The following RAVER1 variants were observed in gnomAD, a reference collection of about 807,000 sequenced individuals.
RAVER1 encodes ribonucleoprotein PTB-binding 1.
Under a neutral mutation model 68.4 loss-of-function variants are expected in RAVER1, and 36 were observed. That is an observed-to-expected ratio of 0.53 (90% CI 0.40 to 0.70). RAVER1 has a LOEUF of 0.70. RAVER1 is among the 30% of genes least tolerant of loss of function. The pLI, the probability that RAVER1 is intolerant of heterozygous loss-of-function variation, is 0.00. For missense variants in RAVER1, 933 were observed against 1,019.8 expected, an observed-to-expected ratio of 0.91 and a Z score of 1.16; for synonymous variants, 469 against 472.7, an observed-to-expected ratio of 0.99 and a Z score of 0.10.
intron 3 of RAVER1, among the ~76,000 whole-genome samples, chr19:10,327,919 T>C (rs2040486196): frequency 6.6e-6 from 1 of 152,180 alleles, no homozygotes; most frequent in East Asian, 1.9e-4. Flanking sequence ...GTGCCTGGCA[T>C]GTGTGGCTTG....
intron 3 of RAVER1, among the ~76,000 whole-genome samples, chr19:10,326,308 T>G (rs1293823965): frequency 6.6e-6 from 1 of 152,254 alleles, no homozygotes; most frequent in Admixed American, 6.5e-5. Flanking sequence ...CTAACTCATC[T>G]TCTGTCCTGA....
In RAVER1 at chr19:10,320,752, G is replaced by A; in HGVS notation, c.1673C>T (p.Ala558Val). Residue 558 changes from alanine to valine, a missense_variant, in exon 9 of 13, where the codon GCC (alanine) becomes GTC (valine). Physicochemically the swap from Ala to Val is moderately conservative, Grantham distance 64 (BLOSUM62 0). This residue lies in a region of RAVER1 where 699 missense variants were observed against 731.1 expected (regional missense o/e 0.96). Transcript: ENST00000617231. ...GAGCAGGCGGGACTTGAGCTGGAAG[G>A]CTTTGCTGCTGCTGCTGCCACCTCC... ...APGGGSSSSK[A>V]FQLKSRLLSP... The A allele has an allele frequency of 6.6e-7, 1 of 1,515,270 alleles. No individual in the cohort carries two copies. The highest frequency in any genetic ancestry group is 8.8e-7 in the Non-Finnish European group (1 of 1,141,240). The allele number at this position is 1,515,270 out of a possible 1,614,324, so 93.9% of individuals were successfully genotyped here. A position where few individuals can be genotyped will look rare whatever the true frequency, so the allele number is the denominator to read the frequency against.
In RAVER1 at chr19:10,322,723, G is replaced by C; in HGVS notation, c.1095C>G (p.Pro365=). ...GCCCATTGAGCAGCGGCATGGCTGG[G>C]GGGGCACCCAGGAGGCCTGGAGGGA... ...AGGKQGLLGA[P]PAMPLLNGPA... is the part of the protein sequence containing the mutation. Residue 365 remains proline, a synonymous_variant, in exon 6 of 13, where the codon CCC becomes CCG. Coordinates refer to ENST00000617231, the MANE Select transcript of RAVER1 (RefSeq NM_133452.3). The surrounding 1 kb of genome is among the most constrained non-coding windows in gnomAD (Gnocchi z 4.3). 1 of 1,513,820 alleles carries C rather than the reference G, an allele frequency of 6.6e-7. No individual in the cohort carries two copies. 93.8% of individuals were successfully genotyped at this position (1,513,820 alleles called of 1,614,324 possible).
chr19:10,320,666 C>T lies in RAVER1; in HGVS notation c.1759G>A (p.Asp587Asn), dbSNP rs368092939. 112 of 1,553,098 alleles carry T rather than the reference C, an allele frequency of 7.2e-5. No homozygotes were observed. Among genetic ancestry groups the T allele is most frequent in the Middle Eastern group, 3.4e-4 (2 of 5,932 alleles). ...AGCCAGGCACTCACCGAGGGGTAGTCGAAGCTGTAGCTGTCAGACAGTCCT... is the reference window on the plus strand; with the variant it reads ...AGCCAGGCACTCACCGAGGGGTAGTTGAAGCTGTAGCTGTCAGACAGTCCT... ...EPGLSDSYSFDYPSDMGPRRL... is the reference protein window; with the variant it reads ...EPGLSDSYSFNYPSDMGPRRL... The change falls in exon 9 of 13, where the codon GAC becomes AAC. Residue 587 changes from aspartate to asparagine, a missense_variant. Transcript: ENST00000617231.
Position 10,317,999 on chromosome 19 carries a change from G to A in RAVER1, c.1990-226C>T, listed in dbSNP as rs2040406069. Among the ~76,000 whole-genome samples the A allele has an allele frequency of 6.6e-6, 1 of 152,228 alleles. No individual in the cohort carries two copies. The highest frequency in any genetic ancestry group is 2.4e-5 in the African/African-American group (1 of 41,458). On this transcript the variant is annotated intron_variant, in intron 11 of 12. Coordinates refer to ENST00000617231, the MANE Select transcript of RAVER1 (RefSeq NM_133452.3). This position sits in a 1 kb window ranked among gnomAD's most constrained non-coding sequence, Gnocchi z 4.3. ...TGGGGCCAGTAGCACCCACAGCCTGGGCTGTAGAGAGAGGAAGTGACAGAA... is the reference window on the plus strand; with the variant it reads ...TGGGGCCAGTAGCACCCACAGCCTGAGCTGTAGAGAGAGGAAGTGACAGAA...
chr19:10,331,389 A>AC (rs2040516483), intron 1 of RAVER1, among the ~76,000 whole-genome samples: 1 of 92,114 alleles, frequency 1.1e-5, no homozygotes, highest in Non-Finnish European at 2.2e-5. Flanking sequence ...AAAAATAACA[A>AC]CAACAAAAAA....
Position 10,318,915 on chromosome 19 carries a change from C to T in RAVER1, c.1845+251G>A, listed in dbSNP as rs565611998. Among the ~76,000 whole-genome samples, 4 of 152,302 alleles carry T rather than the reference C, an allele frequency of 2.6e-5. No individual in the cohort carries two copies. The South Asian group carries it at 8.3e-4, about 32-fold the overall frequency. On this transcript the variant is annotated intron_variant, in intron 10 of 12. Coordinates refer to ENST00000617231, the MANE Select transcript of RAVER1 (RefSeq NM_133452.3). ...CAATGCCTGGCATGGTATGGTGGCT[C>T]ATGCCTGTGATCCTAGCACTTTGGG... is the stretch of plus-strand genomic sequence containing the variant.
At position 10,323,590 on chromosome 19, in the gene RAVER1, A is replaced by G. The variant is rs1199774394; in HGVS notation, c.757-24T>C. 1.3e-6 allele frequency: 2 copies of G among 1,562,996 alleles called. No individual in the cohort carries two copies. The highest frequency in any genetic ancestry group is 1.7e-6 in the Non-Finnish European group (2 of 1,156,492). On this transcript the variant is annotated intron_variant, in intron 3 of 12. Transcript: ENST00000617231. This position sits in a 1 kb window ranked among gnomAD's most constrained non-coding sequence, Gnocchi z 6.2. ...AGCTGCCGGAGGAAGGCAGGCAGTC[A>G]TGAGCATCTGGGCAGCAGTGACTGC...
intron 8 of RAVER1, 31 bp downstream of exon 8, chr19:10,321,017 G>C: frequency 6.8e-7 from 1 of 1,466,342 alleles, no homozygotes; most frequent in Non-Finnish European, 9.0e-7. Context: ...CAGGAGGCTG[G>C]TGTGGTGCCG....
chr19:10,322,448 G>A lies in RAVER1; in HGVS notation c.1173+197C>T, dbSNP rs905308077. ...CTCTCAGAATGGAGGGAAAGATGGC[G>A]AACCATCATGAGCAATTGCCAGAGG... is the stretch of plus-strand genomic sequence containing the variant. On this transcript the variant is annotated intron_variant, in intron 6 of 12. Coordinates refer to ENST00000617231, the MANE Select transcript of RAVER1 (RefSeq NM_133452.3). The surrounding 1 kb of genome is among the most constrained non-coding windows in gnomAD (Gnocchi z 4.3). 2.1e-5 allele frequency: 11 copies of A among 515,934 alleles called. No homozygotes were observed. Among genetic ancestry groups the A allele is most frequent in the Admixed American group, 8.7e-5 (2 of 23,118 alleles). 32.0% of individuals were successfully genotyped at this position (515,934 alleles called of 1,614,324 possible). A position where few individuals can be genotyped will look rare whatever the true frequency, so the allele number is the denominator to read the frequency against.
chr19:10,323,267 T>C lies in RAVER1; in HGVS notation c.956A>G (p.Asn319Ser), dbSNP rs772330099. ...CTCGGGGAGGAGTCCCTTCCCCCGA[T>C]TGAGGGCCTGCAGGAAGGAACAGAA... Reference protein sequence around the residue: ...ALIAAQATALNRGKGLLPEPN... With the variant: ...ALIAAQATALSRGKGLLPEPN... The change falls in exon 5 of 13, where the codon AAT becomes AGT. Residue 319 changes from asparagine to serine, a missense_variant. Around this residue, in one of 3 missense-constraint regions of RAVER1, gnomAD observed 699 missense variants for 731.1 expected, o/e 0.96. Coordinates refer to ENST00000617231, the MANE Select transcript of RAVER1 (RefSeq NM_133452.3). This position sits in a 1 kb window ranked among gnomAD's most constrained non-coding sequence, Gnocchi z 6.2. 26 of 1,613,168 alleles carry C rather than the reference T, an allele frequency of 1.6e-5. No individual in the cohort carries two copies. The highest frequency in any genetic ancestry group is 4.4e-5 in the South Asian group (4 of 91,068).
chr19:10,331,356 C>CAAAAAA (rs58419369), intron 1 of RAVER1, among the ~76,000 whole-genome samples: 16 of 29,148 alleles, frequency 5.5e-4, no homozygotes, highest in East Asian at 3.0e-3. Context: ...GACTCCGTCT[C>CAAAAAA]AAAAAAAAAA....
chr19:10,317,446 C>T lies in RAVER1; in HGVS notation c.*8G>A. 1.2e-6 allele frequency: 2 copies of T among 1,613,720 alleles called. No individual in the cohort carries two copies. Among genetic ancestry groups the T allele is most frequent in the Non-Finnish European group, 1.7e-6 (2 of 1,179,638 alleles). On this transcript the variant is annotated 3_prime_UTR_variant, in exon 13 of 13. Coordinates refer to ENST00000617231, the MANE Select transcript of RAVER1 (RefSeq NM_133452.3). The surrounding 1 kb of genome is among the most constrained non-coding windows in gnomAD (Gnocchi z 4.3). ...GCAGGCCCTTGAGTTATCTCTGGTG[C>T]CAGCCACTTAGAAAATCCTCTTCCG...
In RAVER1 at chr19:10,323,046, C is replaced by G; in HGVS notation, c.1078+99G>C. 1 of 1,042,924 alleles carries G rather than the reference C, an allele frequency of 9.6e-7. No individual in the cohort carries two copies. Among genetic ancestry groups the G allele is most frequent in the South Asian group, 1.7e-5 (1 of 58,338 alleles). The allele number at this position is 1,042,924 out of a possible 1,614,324, so 64.6% of individuals were successfully genotyped here. On this transcript the variant is annotated intron_variant, in intron 5 of 12. Coordinates refer to ENST00000617231, the MANE Select transcript of RAVER1 (RefSeq NM_133452.3). This position sits in a 1 kb window ranked among gnomAD's most constrained non-coding sequence, Gnocchi z 6.2. ...CCCCCTCGGCCCTACTCCTGGGGCT[C>G]CTGTCACTGCAGCCAAGATGAGCAG...
At chr19:10,326,210 G>A (rs772734717) in intron 3 of RAVER1, among the ~76,000 whole-genome samples, 7 of 152,126 alleles carry the variant, frequency 4.6e-5, no homozygotes, top group Non-Finnish European at 8.8e-5. Flanking sequence ...AGCCAAGATC[G>A]CGCCCCTGCA....
chr19:10,317,840 C>G lies in RAVER1; in HGVS notation c.1990-67G>C, dbSNP rs1020374035. 10 of 884,760 alleles carry G rather than the reference C, an allele frequency of 1.1e-5. No individual in the cohort carries two copies. In the Middle Eastern group the frequency reaches 1.3e-3, roughly 115 times the overall value. The allele number at this position is 884,760 out of a possible 1,614,324, so 54.8% of individuals were successfully genotyped here. ...CCAGAGGAAGCACCCACCCCGCCCC[C>G]CTGCCACTGCCCCCCAGCCCTGAGG... is the stretch of plus-strand genomic sequence containing the variant. On this transcript the variant is annotated intron_variant, in intron 11 of 12. Transcript: ENST00000617231. This position sits in a 1 kb window ranked among gnomAD's most constrained non-coding sequence, Gnocchi z 4.3.
rs2040490116 is a variant in RAVER1 at position 10,328,489 on chromosome 19, T to G, written c.756+153A>C. ...ATTGCTTGAACCAAAGAGGCGGAGG[T>G]TGCAGTGAACTGAGATTGTATCACT... On this transcript the variant is annotated intron_variant, in intron 3 of 12. Coordinates refer to ENST00000617231, the MANE Select transcript of RAVER1 (RefSeq NM_133452.3). This position sits in a 1 kb window ranked among gnomAD's most constrained non-coding sequence, Gnocchi z 4.4. 6.6e-6 allele frequency among the ~76,000 whole-genome samples: 1 copy of G among 151,624 alleles called. No individual in the cohort carries two copies. Among genetic ancestry groups the G allele is most frequent in the Non-Finnish European group, 1.5e-5 (1 of 67,914 alleles).
chr19:10,328,549 C>CA lies in RAVER1; in HGVS notation c.756+92dup, dbSNP rs144646475. 0.24 allele frequency: 154,683 copies of CA among 651,720 alleles called. 2,625 individuals are homozygous for CA. Among genetic ancestry groups the CA allele is most frequent in the Middle Eastern group, 0.28 (629 of 2,212 alleles). The allele number at this position is 651,720 out of a possible 1,614,324, so 40.4% of individuals were successfully genotyped here. A position where few individuals can be genotyped will look rare whatever the true frequency, so the allele number is the denominator to read the frequency against. On this transcript the variant is annotated intron_variant, in intron 3 of 12. Coordinates refer to ENST00000617231, the MANE Select transcript of RAVER1 (RefSeq NM_133452.3). This position sits in a 1 kb window ranked among gnomAD's most constrained non-coding sequence, Gnocchi z 4.4. ...CATGGGTGACAAAGTGAGACTGTCT[C>CA]AAAAAAAAAAAAGAAAAGGCAGATG...
chr19:10,320,527 A>G, intron 9 of RAVER1, 128 bp downstream of exon 9: 1 of 695,524 alleles, frequency 1.4e-6, no homozygotes, highest in South Asian at 2.0e-5. Flanking sequence ...AAAAAAAAGC[A>G]GAGACCATAT....
Sources: allele counts gnomAD v4.1 joint callset (sites outside exome capture counted in the v4.1 genomes callset), GRCh38; gene constraint gnomAD v4.1.1; regional missense constraint gnomAD v4.1.1; non-coding constraint Gnocchi (gnomAD v3.1); transcripts MANE v1.5; gene names NCBI Gene and HGNC (gene_info 2026-07-23, HGNC 2026-07-21).